LRRC7: variants seen among roughly 807,000 people sequenced by gnomAD.
LRRC7 encodes the protein leucine-rich repeat-containing protein 7.
A neutral mutation model predicts 175.7 loss-of-function variants in LRRC7; 23 were observed. That is an observed-to-expected ratio of 0.13 (90% CI 0.09 to 0.19). The LOEUF is 0.19. Among genes scored for constraint, LRRC7 ranks in the 10% least tolerant of loss-of-function variants. LRRC7 has a pLI of 1.00. For synonymous variants in LRRC7, 685 were observed against 680.9 expected (o/e 1.01, Z -0.09); for missense variants, 1,354 against 1,904.7 (o/e 0.71, Z 5.38).
chr1:69,954,946 G>C (rs1650342182), intron 8 of LRRC7, among the ~76,000 whole-genome samples: 3 of 152,026 alleles, frequency 2.0e-5, no homozygotes, highest in Non-Finnish European at 4.4e-5. Flanking sequence ...CTATGTGCAT[G>C]ATACAAATTG....
intron 26 of LRRC7, among the ~76,000 whole-genome samples, chr1:70,115,163 A>C (rs574438913): frequency 6.6e-6 from 1 of 152,326 alleles, no homozygotes; most frequent in African/African-American, 2.4e-5. Context: ...ACGGTTTTTA[A>C]AGGAAAAAAT....
At chr1:69,912,791 A>G (rs1436806529) in intron 7 of LRRC7, among the ~76,000 whole-genome samples, 2 of 152,224 alleles carry the variant, frequency 1.3e-5, no homozygotes, top group African/African-American at 4.8e-5. Flanking sequence ...AGTCTAATTA[A>G]ACCCTTCATT....
intron 8 of LRRC7, among the ~76,000 whole-genome samples, chr1:69,965,086 G>A (rs1270522951): frequency 1.3e-5 from 2 of 152,200 alleles, no homozygotes; most frequent in Non-Finnish European, 2.9e-5. Flanking sequence ...GGAGTAGGTT[G>A]TAATTCTTGA....
At chr1:70,011,232 T>C (rs12035905) in intron 11 of LRRC7, among the ~76,000 whole-genome samples, 12,241 of 152,248 alleles carry the variant, frequency 0.08, 590 homozygotes, top group African/African-American at 0.14. Flanking sequence ...TTTGTGTGGC[T>C]TTGAAGAAGT....
intron 22 of LRRC7, among the ~76,000 whole-genome samples, chr1:70,046,529 A>G (rs374983054): frequency 2.4e-4 from 37 of 152,320 alleles, no homozygotes; most frequent in African/African-American, 8.7e-4. Flanking sequence ...GAAGAAAAGT[A>G]GAGAAGGCAA....
chr1:70,075,769 A>C (rs570539998), intron 23 of LRRC7, among the ~76,000 whole-genome samples: 1 of 152,246 alleles, frequency 6.6e-6, no homozygotes, highest in East Asian at 1.9e-4. Context: ...CTTTATTTTT[A>C]AGTTGCGACT....
At chr1:69,674,524 A>G (rs1659524516) in intron 1 of LRRC7, among the ~76,000 whole-genome samples, 1 of 152,174 alleles carries the variant, frequency 6.6e-6, no homozygotes, top group Non-Finnish European at 1.5e-5. Context: ...AATTGTTTCT[A>G]AGGTCCAAGG....
intron 17 of LRRC7, among the ~76,000 whole-genome samples, chr1:70,027,332 A>G (rs1485145640): frequency 6.6e-6 from 1 of 152,108 alleles, no homozygotes; most frequent in African/African-American, 2.4e-5. Flanking sequence ...TTCTATATGG[A>G]ATGTCTCATA....
At chr1:70,091,998 G>A (rs1371721521) in intron 25 of LRRC7, among the ~76,000 whole-genome samples, 1 of 151,972 alleles carries the variant, frequency 6.6e-6, no homozygotes, top group Non-Finnish European at 1.5e-5. Flanking sequence ...AAACATATGG[G>A]GACACTTTGG....
chr1:69,917,457 A>G (rs919936056), intron 7 of LRRC7, among the ~76,000 whole-genome samples: 15 of 152,176 alleles, frequency 9.9e-5, no homozygotes, highest in African/African-American at 3.6e-4. Context: ...GGAAAGCCAC[A>G]TGGGAACCCA....
At chr1:70,065,032 C>G (rs534365916) in intron 23 of LRRC7, among the ~76,000 whole-genome samples, 1 of 152,006 alleles carries the variant, frequency 6.6e-6, no homozygotes, top group South Asian at 2.1e-4. Context: ...GTTAACCCTT[C>G]TTGGTTGATG....
In LRRC7 at chr1:69,613,666, C is replaced by G. The variant is rs10157513; in HGVS notation, c.2+45025C>G. Among the ~76,000 whole-genome samples, 1,040 of 152,066 alleles carry G rather than the reference C, an allele frequency of 6.8e-3. 5 individuals are homozygous for G. The highest frequency in any genetic ancestry group is 0.024 in the African/African-American group (983 of 41,486). On this transcript the variant is annotated intron_variant, in intron 1 of 26. Transcript: ENST00000651989. ...AGCCCATAGCACAATGACTGGCATA[C>G]AGTGGGAACATTTGATTTGAAATAT...
chr1:70,112,299 A>G (rs1401267049), intron 26 of LRRC7, among the ~76,000 whole-genome samples: 1 of 152,136 alleles, frequency 6.6e-6, no homozygotes, highest in African/African-American at 2.4e-5. Context: ...CTCTTGGCCA[A>G]AATCATGGGG....
intron 2 of LRRC7, among the ~76,000 whole-genome samples, chr1:69,682,491 G>A (rs1660612590): frequency 6.6e-6 from 1 of 152,076 alleles, no homozygotes; most frequent in Non-Finnish European, 1.5e-5. Flanking sequence ...TTTTTAGCAG[G>A]AATCAATACT....
At chr1:70,041,178 G>A (rs1365012248) in intron 21 of LRRC7, among the ~76,000 whole-genome samples, 4 of 152,016 alleles carry the variant, frequency 2.6e-5, no homozygotes, top group African/African-American at 9.7e-5. Context: ...ATTTTATTTG[G>A]TGTCCTGCTA....
At chr1:69,757,939 C>T (rs1670615345) in intron 2 of LRRC7, among the ~76,000 whole-genome samples, 1 of 151,878 alleles carries the variant, frequency 6.6e-6, no homozygotes, top group Admixed American at 6.6e-5. Flanking sequence ...TTCCACCTCT[C>T]ATTTAATCTA....
intron 7 of LRRC7, among the ~76,000 whole-genome samples, chr1:69,913,667 A>G (rs1206258043): frequency 6.6e-6 from 1 of 152,040 alleles, no homozygotes; most frequent in Non-Finnish European, 1.5e-5. Flanking sequence ...ACCCATGACC[A>G]CGCCTGGCTA....
At chr1:69,643,010 A>G (rs1326403079) in intron 1 of LRRC7, among the ~76,000 whole-genome samples, 2 of 152,088 alleles carry the variant, frequency 1.3e-5, no homozygotes, top group Admixed American at 1.3e-4. Flanking sequence ...CTGATGGTAT[A>G]ACTCTCAGTC....
At chr1:69,630,491 C>A (rs926712540) in intron 1 of LRRC7, among the ~76,000 whole-genome samples, 1 of 152,016 alleles carries the variant, frequency 6.6e-6, no homozygotes, top group Admixed American at 6.6e-5. Flanking sequence ...TACTTGCTAC[C>A]TTTATTTTGT....
Sources: allele counts gnomAD v4.1 joint callset (sites outside exome capture counted in the v4.1 genomes callset), GRCh38; gene constraint gnomAD v4.1.1; transcripts MANE v1.5; gene names NCBI Gene and HGNC (gene_info 2026-07-23, HGNC 2026-07-21).